Variants in SLC2A9 observed in about 807,000 individuals in gnomAD.
SLC2A9 encodes the protein solute carrier family 2, facilitated glucose transporter member 9.
SLC2A9 carries 39 observed loss-of-function variants against 50.6 expected under a neutral mutation model. That is an observed-to-expected ratio of 0.77 (90% CI 0.60 to 1.01). The LOEUF is 1.01. Ranked by LOEUF, SLC2A9 falls within the 50% of genes least tolerant of loss-of-function variation. The pLI is 0.00. For missense variants in SLC2A9, 686 were observed against 677.6 expected, an observed-to-expected ratio of 1.01 and a Z score of -0.14; for synonymous variants, 324 against 276.9, an observed-to-expected ratio of 1.17 and a Z score of -1.69.
Position 9,788,574 on chromosome 4 carries a change from C to T in SLC2A9, n.386-8509G>A, listed in dbSNP as rs531250480. The stretch of plus-strand genomic sequence containing the variant: ...CTATTTTGACATTCCAGGTATGGGA[C>T]CTGGGGACACATGTGTCCCATTTCT... On this transcript the variant is annotated intron_variant and non_coding_transcript_variant, in intron 3 of 3. Coordinates refer to the SLC2A9 transcript ENST00000503803. Among the ~76,000 whole-genome samples the T allele has an allele frequency of 3.3e-3, 497 of 152,136 alleles. 6 individuals are homozygous for T. Among genetic ancestry groups the T allele is most frequent in the African/African-American group, 0.011 (474 of 41,500 alleles).
At chr4:9,977,466 C>T (rs1348620377) in intron 5 of SLC2A9, among the ~76,000 whole-genome samples, 1 of 152,046 alleles carries the variant, frequency 6.6e-6, no homozygotes, top group Non-Finnish European at 1.5e-5. Context: ...CTTGCCCATC[C>T]TTCCCTGTGC....
At chr4:9,830,816 T>C (rs1327237110) in intron 11 of SLC2A9, among the ~76,000 whole-genome samples, 1 of 152,168 alleles carries the variant, frequency 6.6e-6, no homozygotes, top group Non-Finnish European at 1.5e-5. Context: ...CCACAGCAAA[T>C]GCTGCCAACA....
At chr4:9,896,592 T>C (rs965146770) in intron 8 of SLC2A9, among the ~76,000 whole-genome samples, 22 of 152,230 alleles carry the variant, frequency 1.4e-4, no homozygotes, top group African/African-American at 5.1e-4. Context: ...ATAGTCACAG[T>C]TTTTAATTTT....
intron 3 of SLC2A9, among the ~76,000 whole-genome samples, chr4:9,791,006 G>T (rs1719849689): frequency 6.6e-6 from 1 of 152,178 alleles, no homozygotes; most frequent in Non-Finnish European, 1.5e-5. Flanking sequence ...TGAATGTATA[G>T]TCTTTGTGGT....
intron 1 of SLC2A9, among the ~76,000 whole-genome samples, chr4:10,020,248 G>A (rs1229899227): frequency 1.3e-5 from 2 of 152,086 alleles, no homozygotes; most frequent in Non-Finnish European, 1.5e-5. Flanking sequence ...CACCAGCCAC[G>A]AGATAGAGCT....
intron 10 of SLC2A9, among the ~76,000 whole-genome samples, chr4:9,843,357 C>T (rs1728408067): frequency 6.6e-6 from 1 of 152,108 alleles, no homozygotes; most frequent in East Asian, 1.9e-4. Flanking sequence ...ATCATATACA[C>T]CTAAGTACTA....
At chr4:9,938,881 T>G (rs1185707821) in intron 6 of SLC2A9, among the ~76,000 whole-genome samples, 1 of 152,108 alleles carries the variant, frequency 6.6e-6, no homozygotes, top group East Asian at 1.9e-4. Context: ...ACCCAGGGCC[T>G]GGGACTCATT....
At chr4:9,934,244 A>G (rs2110201341) in intron 6 of SLC2A9, among the ~76,000 whole-genome samples, 1 of 152,286 alleles carries the variant, frequency 6.6e-6, no homozygotes, top group South Asian at 2.1e-4. Context: ...CAAAATTCAC[A>G]GCTTTGTCTG....
intron 10 of SLC2A9, among the ~76,000 whole-genome samples, chr4:9,877,871 G>C (rs1472471570): frequency 1.3e-5 from 2 of 152,218 alleles, no homozygotes; most frequent in Non-Finnish European, 2.9e-5. Context: ...CCAGGCTCCT[G>C]TTGGGGCACA....
In SLC2A9 at chr4:10,008,304, GCACTCACAGCCTGGGA is replaced by G. The variant is rs553495188; in HGVS notation, c.249+10655_249+10670del. On this transcript the variant is annotated intron_variant, in intron 2 of 11. Coordinates refer to ENST00000264784, the MANE Select transcript of SLC2A9 (RefSeq NM_020041.3). ...CCAGGGCATGGTGCGGGGGGAGTTGGCACTCACAGCCTGGGACACCTGGACACCAACGCCCCAGGCT... is the reference window on the plus strand; with the variant it reads ...CCAGGGCATGGTGCGGGGGGAGTTGGCACCTGGACACCAACGCCCCAGGCT... Among the ~76,000 whole-genome samples the G allele has an allele frequency of 5.8e-4, 88 of 152,330 alleles. 1 individual carries two copies. The highest frequency in any genetic ancestry group is 2.1e-3 in the African/African-American group (87 of 41,578).
chr4:10,015,950 GCTGGGAAGTAGCTACCCAA>G (rs2109491217), intron 2 of SLC2A9, among the ~76,000 whole-genome samples: 1 of 152,322 alleles, frequency 6.6e-6, no homozygotes, highest in African/African-American at 2.4e-5. Flanking sequence ...GAGAGCACAT[GCTGGGAAGTAGCTACCCAA>G]CTGGGGATGA....
At chr4:9,780,245 C>G (rs1718147995) in intron 3 of SLC2A9, among the ~76,000 whole-genome samples, 1 of 152,094 alleles carries the variant, frequency 6.6e-6, no homozygotes, top group Admixed American at 6.5e-5. Context: ...AGGGCAGAGA[C>G]TGGAGGCCAG....
In SLC2A9 at chr4:9,871,968, G is replaced by A. The variant is rs1324038644; in HGVS notation, c.1291+15599C>T. Among the ~76,000 whole-genome samples the A allele has an allele frequency of 3.3e-5, 5 of 152,274 alleles. 1 individual carries two copies. The highest frequency in any genetic ancestry group is 6.8e-3 in the Middle Eastern group (2 of 294). On this transcript the variant is annotated intron_variant, in intron 10 of 11. Coordinates refer to ENST00000264784, the MANE Select transcript of SLC2A9 (RefSeq NM_020041.3). ...CTTCCATGCTCAGGAAAGTGGCTTG[G>A]GCTGGGATGGCTGCTGAGGAATCAT...
At position 9,914,713 on chromosome 4, in the gene SLC2A9, G is replaced by A. The variant is rs114108333; in HGVS notation, c.1002+5672C>T. The stretch of plus-strand genomic sequence containing the variant: ...TGACCCCAGCAATTGCTATGGTGGT[G>A]AGAACGTGAATGCAGATTTCAACCA... On this transcript the variant is annotated intron_variant, in intron 7 of 11. Coordinates refer to ENST00000264784, the MANE Select transcript of SLC2A9 (RefSeq NM_020041.3). 3.9e-3 allele frequency among the ~76,000 whole-genome samples: 588 copies of A among 152,224 alleles called. 5 individuals carry two copies. The highest frequency in any genetic ancestry group is 0.013 in the African/African-American group (553 of 41,540).
At chr4:9,937,275 G>T (rs1316746081) in intron 6 of SLC2A9, among the ~76,000 whole-genome samples, 1 of 152,174 alleles carries the variant, frequency 6.6e-6, no homozygotes, top group African/African-American at 2.4e-5. Context: ...GGCTTTGGTA[G>T]GGTGGTTTCC....
At chr4:9,852,029 G>A (rs1273373377) in intron 10 of SLC2A9, among the ~76,000 whole-genome samples, 1 of 152,134 alleles carries the variant, frequency 6.6e-6, no homozygotes, top group Non-Finnish European at 1.5e-5. Flanking sequence ...ATTTCCTTCA[G>A]GAAATGCAGG....
downstream of SLC2A9, among the ~76,000 whole-genome samples, chr4:9,777,796 G>T (rs1717764194): frequency 6.6e-6 from 1 of 152,186 alleles, no homozygotes; most frequent in Non-Finnish European, 1.5e-5. Flanking sequence ...CATAACGGCT[G>T]CACTAGGAGC....
At chr4:9,836,189 T>C (rs1377611195) in intron 10 of SLC2A9, among the ~76,000 whole-genome samples, 1 of 148,640 alleles carries the variant, frequency 6.7e-6, no homozygotes, top group African/African-American at 2.5e-5. Flanking sequence ...ACACTACAAA[T>C]TGGGTGAATG....
At chr4:10,027,268 C>G (rs1221392282) in intron 1 of SLC2A9, among the ~76,000 whole-genome samples, 4 of 152,096 alleles carry the variant, frequency 2.6e-5, no homozygotes, top group Admixed American at 2.6e-4. Context: ...GGTGGCTGTA[C>G]AAGAATGTGA....
Sources: gnomAD v4.1 joint callset for allele counts (sites outside exome capture counted in the v4.1 genomes callset) on GRCh38, gnomAD v4.1.1 for gene constraint, MANE v1.5 for transcripts, NCBI Gene and HGNC (gene_info 2026-07-23, HGNC 2026-07-21) for gene names.